Variants in CSNK1A1 observed in about 807,000 individuals in gnomAD.
CSNK1A1 encodes the protein casein kinase 1 alpha 1.
In CSNK1A1, 7 loss-of-function variants were observed where a neutral mutation model predicts 46.1. The observed-to-expected ratio is 0.15, with a 90% CI of 0.09 to 0.29. The LOEUF is 0.29. Among genes scored for constraint, CSNK1A1 ranks in the 10% least tolerant of loss-of-function variants. The probability of loss-of-function intolerance (pLI) is 1.00; values close to 1 mark genes in which losing one functional copy is unlikely to be tolerated. For missense variants in CSNK1A1, 96 were observed against 417.1 expected, an observed-to-expected ratio of 0.23 and a Z score of 6.71; for synonymous variants, 137 against 141.5, an observed-to-expected ratio of 0.97 and a Z score of 0.23.
chr5:149,538,721 G>A (rs573346265), intron 2 of CSNK1A1, among the ~76,000 whole-genome samples: 2 of 152,150 alleles, frequency 1.3e-5, no homozygotes, highest in South Asian at 2.1e-4. Flanking sequence ...CCAGGAGTTC[G>A]AGACCAGCCT....
At chr5:149,497,459 T>A in intron 9 of CSNK1A1, 3 of 986,116 alleles carry the variant, frequency 3.0e-6, no homozygotes, top group Non-Finnish European at 3.6e-6. Context: ...CAAGTGATGC[T>A]TTTTTGGCTT....
At chr5:149,545,933 G>A in intron 2 of CSNK1A1, 2 of 224,568 alleles carry the variant, frequency 8.9e-6, no homozygotes, top group South Asian at 1.2e-4. Flanking sequence ...CTGTCGCCCA[G>A]GCTGGAGTGC....
chr5:149,530,695 C>CG (rs1761865308), intron 2 of CSNK1A1, among the ~76,000 whole-genome samples: 1 of 152,074 alleles, frequency 6.6e-6, no homozygotes, highest in South Asian at 2.1e-4. Flanking sequence ...AGGCCAGGCG[C>CG]GGTGGCTCAC....
Position 149,539,540 on chromosome 5 carries a change from G to A in CSNK1A1, c.230+10535C>T, listed in dbSNP as rs114805307. On this transcript the variant is annotated intron_variant, in intron 2 of 9. Coordinates refer to ENST00000377843, the MANE Select transcript of CSNK1A1 (RefSeq NM_001892.6). ...ATTCTAGGAAAAGATGGGGGTTGAT[G>A]GGGGTGAGTAGCAAAGCAAAAATTA... Among the ~76,000 whole-genome samples the A allele has an allele frequency of 1.5e-3, 225 of 151,766 alleles. 1 individual carries two copies. Among genetic ancestry groups the A allele is most frequent in the African/African-American group, 5.2e-3 (217 of 41,408 alleles).
intron 9 of CSNK1A1, among the ~76,000 whole-genome samples, chr5:149,500,432 C>T (rs996252183): frequency 2.6e-5 from 4 of 152,110 alleles, no homozygotes; most frequent in Non-Finnish European, 4.4e-5. Context: ...CCACCGCGCC[C>T]GGCCCCAGCT....
chr5:149,503,015 C>CT, intron 9 of CSNK1A1: 1 of 944,476 alleles, frequency 1.1e-6, no homozygotes, highest in Non-Finnish European at 1.3e-6. Context: ...ATCTGCTTGC[C>CT]TCAGCCTCTC....
intron 2 of CSNK1A1, among the ~76,000 whole-genome samples, chr5:149,544,963 C>G (rs1274919933): frequency 1.3e-5 from 2 of 151,002 alleles, no homozygotes; most frequent in East Asian, 3.9e-4. Context: ...CTGTGAAACC[C>G]CGTCTCTACT....
chr5:149,505,733 C>A (rs969838471), intron 8 of CSNK1A1, 138 bp from the exon 9 acceptor site: 6 of 681,878 alleles, frequency 8.8e-6, no homozygotes, highest in Non-Finnish European at 1.4e-5. Flanking sequence ...TAAAATATTT[C>A]TTATTATAGA....
chr5:149,533,675 CAA>C (rs200137063), intron 2 of CSNK1A1, among the ~76,000 whole-genome samples: 6 of 134,344 alleles, frequency 4.5e-5, no homozygotes, highest in African/African-American at 2.7e-5. Context: ...GACGTAGTTG[CAA>C]AAAAAAAAAA....
intron 2 of CSNK1A1, among the ~76,000 whole-genome samples, chr5:149,539,724 T>C (rs1328803840): frequency 1.3e-5 from 2 of 151,096 alleles, no homozygotes; most frequent in Non-Finnish European, 3.0e-5. Flanking sequence ...TAGTTGTCTT[T>C]TTTTTTTAAC....
chr5:149,497,833 GTTCTTTT>G (rs1760701494), intron 9 of CSNK1A1: 1 of 985,104 alleles, frequency 1.0e-6, no homozygotes, highest in African/African-American at 1.7e-5. Context: ...TTTTCTTTTA[GTTCTTTT>G]TTCTTTTTTT....
At chr5:149,511,629 C>A (rs1045725590) in intron 6 of CSNK1A1, among the ~76,000 whole-genome samples, 165 bp downstream of exon 6, 7 of 152,134 alleles carry the variant, frequency 4.6e-5, no homozygotes, top group African/African-American at 1.7e-4. Flanking sequence ...CTAAAATGAT[C>A]TGGTTTCATT....
intron 2 of CSNK1A1, among the ~76,000 whole-genome samples, chr5:149,537,229 A>T (rs1485279426): frequency 6.6e-6 from 1 of 152,038 alleles, no homozygotes; most frequent in East Asian, 1.9e-4. Flanking sequence ...TACAAAAATT[A>T]GCCGGGTGCA....
chr5:149,499,653 T>C (rs1206627174), intron 9 of CSNK1A1, among the ~76,000 whole-genome samples: 3 of 151,796 alleles, frequency 2.0e-5, no homozygotes, highest in Non-Finnish European at 4.4e-5. Context: ...CTTGCTGTTA[T>C]GTTGCCCAGG....
Position 149,525,230 on chromosome 5 carries a change from A to T in CSNK1A1, c.231-59T>A. The T allele has an allele frequency of 6.9e-7, 1 of 1,455,646 alleles. No homozygotes were observed. The highest frequency in any genetic ancestry group is 9.2e-7 in the Non-Finnish European group (1 of 1,091,688). The allele number at this position is 1,455,646 out of a possible 1,614,324, so 90.2% of individuals were successfully genotyped here. On this transcript the variant is annotated intron_variant, in intron 2 of 9. Transcript: ENST00000377843. The surrounding 1 kb of genome is among the most constrained non-coding windows in gnomAD (Gnocchi z 4.2). ...AAAAAGCTATTACTTAATATCATCA[A>T]CCCTAAGAATAATATAGTTTTCTTT...
intron 2 of CSNK1A1, among the ~76,000 whole-genome samples, chr5:149,547,855 G>GTT (rs903343537): frequency 2.8e-5 from 4 of 143,496 alleles, no homozygotes; most frequent in African/African-American, 7.6e-5. Context: ...TTGGAACTTT[G>GTT]TTTTTTTTTT....
intron 2 of CSNK1A1, among the ~76,000 whole-genome samples, chr5:149,549,693 A>G (rs1254932768): frequency 6.6e-6 from 1 of 152,216 alleles, no homozygotes; most frequent in African/African-American, 2.4e-5. Context: ...TCGAACTGAC[A>G]CTGCCGGGTC....
In CSNK1A1 at chr5:149,504,531, G is replaced by A. The variant is rs74294133; in HGVS notation, c.1006+916C>T. On this transcript the variant is annotated intron_variant, in intron 9 of 9. Coordinates refer to ENST00000377843, the MANE Select transcript of CSNK1A1 (RefSeq NM_001892.6). Reference sequence around the variant, plus strand: ...GTATCAGGAGGTAAGCCCCAGAAATGGGAAAAGAAAGACAAAACATGAAAA... The same window carrying A: ...GTATCAGGAGGTAAGCCCCAGAAATAGGAAAAGAAAGACAAAACATGAAAA... The A allele has an allele frequency of 6.1e-4, 600 of 985,310 alleles. 22 individuals carry two copies. The East Asian group carries it at 0.054, about 88-fold the overall frequency. 61.0% of individuals were successfully genotyped at this position (985,310 alleles called of 1,614,324 possible). A position where few individuals can be genotyped will look rare whatever the true frequency, so the allele number is the denominator to read the frequency against.
chr5:149,495,202 T>C lies in CSNK1A1; in HGVS notation c.*1651A>G, dbSNP rs150274068. 6.6e-6 allele frequency: 1 copy of C among 152,248 alleles called. No individual in the cohort carries two copies. The highest frequency in any genetic ancestry group is 1.9e-4 in the East Asian group (1 of 5,194). 9.4% of individuals were successfully genotyped at this position (152,248 alleles called of 1,614,324 possible). A position where few individuals can be genotyped will look rare whatever the true frequency, so the allele number is the denominator to read the frequency against. ...ATCATGGAATTAATTATTGCTAAAG[T>C]AGTTTTCAAATAAAAAAAAGAAAAA... On this transcript the variant is annotated 3_prime_UTR_variant, in exon 10 of 10. Transcript: ENST00000377843.
Sources: gnomAD v4.1 joint callset for allele counts (sites outside exome capture counted in the v4.1 genomes callset) on GRCh38, gnomAD v4.1.1 for gene constraint, Gnocchi (gnomAD v3.1) non-coding constraint, MANE v1.5 for transcripts, NCBI Gene and HGNC (gene_info 2026-07-23, HGNC 2026-07-21) for gene names.